The following BAZ2A variants were observed in gnomAD, a reference collection of about 807,000 sequenced individuals.
BAZ2A encodes bromodomain adjacent to zinc finger domain 2A.
In BAZ2A, 34 loss-of-function variants were observed where a neutral mutation model predicts 199.9. The observed-to-expected ratio is 0.17, with a 90% CI of 0.13 to 0.23. The LOEUF (loss-of-function observed/expected upper bound fraction) is 0.23. Ranked by LOEUF, BAZ2A falls within the 10% of genes least tolerant of loss-of-function variation. BAZ2A has a pLI of 1.00. For missense variants in BAZ2A, 2,002 were observed against 2,391.1 expected, an observed-to-expected ratio of 0.84 and a Z score of 3.39; for synonymous variants, 857 against 883.9, an observed-to-expected ratio of 0.97 and a Z score of 0.54.
Position 56,599,993 on chromosome 12 carries a change from T to C in BAZ2A, c.4996A>G (p.Ile1666Val), listed in dbSNP as rs1218296245. ...CLCLGQLERS[I>V]AWEKSVNKVT... ...TTGTTGACAGACTTCTCCCAGGCAA[T>C]GGACCTCTCCAGCTGGCCCAGGCAC... Residue 1666 changes from isoleucine to valine, a missense_variant, in exon 25 of 29, where the codon ATT becomes GTT. Physicochemically the swap from Ile to Val is conservative, Grantham distance 29 (BLOSUM62 3). Coordinates refer to ENST00000549884, the MANE Select transcript of BAZ2A (RefSeq NM_001300905.2). 6 of 1,613,864 alleles carry C rather than the reference T, an allele frequency of 3.7e-6. No homozygotes were observed. Among genetic ancestry groups the C allele is most frequent in the Middle Eastern group, 3.3e-4 (2 of 6,084 alleles).
chr12:56,599,316 G>A lies in BAZ2A; in HGVS notation c.5215C>T (p.Arg1739Cys), dbSNP rs777759132. The change falls in exon 27 of 29, where the codon CGT (arginine) becomes TGT (cysteine). Residue 1739 changes from arginine (R) to cysteine (C), a missense_variant. By Grantham distance (180) the Arg-to-Cys change is radical. Coordinates refer to ENST00000549884, the MANE Select transcript of BAZ2A (RefSeq NM_001300905.2). The part of the protein sequence containing the change: ...EFTQKPGFPK[R>C]GQKRKSGYSL... ...TAACCACTTTTCCGCTTCTGGCCACGCTTTGGGAAACCAGGCTTCTGAGTG... is the reference window on the plus strand; with the variant it reads ...TAACCACTTTTCCGCTTCTGGCCACACTTTGGGAAACCAGGCTTCTGAGTG... 1.9e-5 allele frequency: 30 copies of A among 1,613,392 alleles called. No individual in the cohort carries two copies. The Admixed American group carries it at 2.3e-4, about 13-fold the overall frequency.
chr12:56,602,635 C>G, intron 19 of BAZ2A, 78 bp downstream of exon 19: 1 of 1,536,238 alleles, frequency 6.5e-7, no homozygotes, highest in Non-Finnish European at 8.8e-7. Flanking sequence ...GAAAGAAGCC[C>G]AAGACTACTA....
At position 56,601,090 on chromosome 12, in the gene BAZ2A, A is replaced by C; in HGVS notation, c.4303T>G (p.Ser1435Ala). The C allele has an allele frequency of 6.2e-7, 1 of 1,613,360 alleles. No individual in the cohort carries two copies. Among genetic ancestry groups the C allele is most frequent in the Non-Finnish European group, 8.5e-7 (1 of 1,179,624 alleles). ...GGATCTCGTATCCACCACCAGCCTG[A>C]GCACATCTCTGTGAGCAGATGAGAT... ...TAQPVPPEMC[S>A]GWWWIRDPEM... Residue 1435 changes from serine (S) to alanine (A), a missense_variant, in exon 22 of 29, where the codon TCA (serine) becomes GCA (alanine). By Grantham distance (99) the Ser-to-Ala change is moderately conservative. Coordinates refer to ENST00000549884, the MANE Select transcript of BAZ2A (RefSeq NM_001300905.2).
At position 56,617,541 on chromosome 12, in the gene BAZ2A, G is replaced by A; in HGVS notation, c.-2-9C>T. On this transcript the variant is annotated splice_polypyrimidine_tract_variant and intron_variant, in intron 1 of 28. Transcript: ENST00000549884. ...GTCGTTTGCCTCCATTTCTGCAGGA[G>A]GGGAGAGAGAGGGAAAAAAAATACT... 1 of 1,602,570 alleles carries A rather than the reference G, an allele frequency of 6.2e-7. No homozygotes were observed. Among genetic ancestry groups the A allele is most frequent in the South Asian group, 1.1e-5 (1 of 88,962 alleles).
Position 56,601,778 on chromosome 12 carries a change from A to C in BAZ2A, c.3839T>G (p.Leu1280Arg). The C allele has an allele frequency of 1.2e-6, 2 of 1,613,990 alleles. No homozygotes were observed. The highest frequency in any genetic ancestry group is 1.7e-6 in the Non-Finnish European group (2 of 1,179,880). ...AGGTGTGAGGACTGAGCTGCTCAAC[A>C]GGGAGCTATGGCTCTGAGTCTGGCT... is the stretch of plus-strand genomic sequence containing the variant. ...WLSQTQSHSS[L>R]LSSSVLTPDS... The change falls in exon 20 of 29, where the codon CTG becomes CGG. Residue 1280 changes from leucine (L) to arginine (R), a missense_variant. Leu to Arg is a moderately radical substitution (Grantham distance 102, BLOSUM62 -2). Coordinates refer to ENST00000549884, the MANE Select transcript of BAZ2A (RefSeq NM_001300905.2).
chr12:56,608,579 AT>A (rs1950446337), intron 10 of BAZ2A, among the ~76,000 whole-genome samples: 1 of 151,498 alleles, frequency 6.6e-6, no homozygotes, highest in Non-Finnish European at 1.5e-5. Flanking sequence ...TATTATTATT[AT>A]TATTTTGAGA....
chr12:56,633,278 C>T (rs1951362459), upstream of BAZ2A, among the ~76,000 whole-genome samples: 1 of 152,100 alleles, frequency 6.6e-6, no homozygotes, highest in South Asian at 2.1e-4. Context: ...GTTTGCATCC[C>T]TCTACATCCT....
At position 56,623,698 on chromosome 12, in the gene BAZ2A, A is replaced by G. The variant is rs74380402; in HGVS notation, c.-2-6166T>C. The stretch of plus-strand genomic sequence containing the variant: ...ATCTCTGAAGGTATGTGCTACTGGC[A>G]TCTAGTAAGCAGAAGCCAAAGATGC... On this transcript the variant is annotated intron_variant, in intron 1 of 28. Coordinates refer to ENST00000549884, the MANE Select transcript of BAZ2A (RefSeq NM_001300905.2). 9.9e-5 allele frequency among the ~76,000 whole-genome samples: 15 copies of G among 152,178 alleles called. 1 individual carries two copies. In the East Asian group the frequency reaches 2.9e-3, roughly 29 times the overall value.
At chr12:56,629,429 G>A (rs574962079) in intron 1 of BAZ2A, among the ~76,000 whole-genome samples, 4 of 152,260 alleles carry the variant, frequency 2.6e-5, no homozygotes, top group South Asian at 2.1e-4. Context: ...TTGGAAAAAG[G>A]AATTCCTCTT....
upstream of BAZ2A, among the ~76,000 whole-genome samples, chr12:56,632,235 A>G (rs998171649): frequency 5.3e-5 from 8 of 152,192 alleles, no homozygotes; most frequent in African/African-American, 1.9e-4. Flanking sequence ...AACTTCTGCT[A>G]AGAAATGCCT....
Position 56,609,757 on chromosome 12 carries a change from G to C in BAZ2A, c.2071C>G (p.Leu691Val), listed in dbSNP as rs1440706121. The part of the protein sequence containing the change: ...ELLNKTDNRP[L>V]KKLEAQETLN... ...GTACCTTGGGCCTCCAGTTTCTTTAGGGGGCGGTTGTCTGTCTTGTTCAAT... is the reference window on the plus strand; with the variant it reads ...GTACCTTGGGCCTCCAGTTTCTTTACGGGGCGGTTGTCTGTCTTGTTCAAT... Residue 691 changes from leucine (L) to valine (V), a missense_variant, in exon 10 of 29, where the codon CTA becomes GTA. By Grantham distance (32) the Leu-to-Val change is conservative. This residue lies in a region of BAZ2A where 1,081 missense variants were observed against 1,274.7 expected (regional missense o/e 0.85). Transcript: ENST00000549884. 11 of 1,613,716 alleles carry C rather than the reference G, an allele frequency of 6.8e-6. No individual in the cohort carries two copies. Among genetic ancestry groups the C allele is most frequent in the Middle Eastern group, 1.6e-4 (1 of 6,080 alleles).
Position 56,601,879 on chromosome 12 carries a change from C to T in BAZ2A, c.3738G>A (p.Leu1246=). ...GTGACAAAGGGGAGCCTTCTTGCTC[C>T]AGGAACCCCTTATGGGACTGAAGCT... The part of the protein sequence containing the change: ...QLQLQSHKGF[L]EQEGSPLSLG... The change falls in exon 20 of 29, where the codon CTG becomes CTA. Residue 1246 remains leucine, a synonymous_variant. Transcript: ENST00000549884. The T allele has an allele frequency of 6.2e-7, 1 of 1,613,534 alleles. No individual in the cohort carries two copies. Among genetic ancestry groups the T allele is most frequent in the Non-Finnish European group, 8.5e-7 (1 of 1,179,706 alleles).
upstream of BAZ2A, chr12:56,630,375 C>T: frequency 1.5e-6 from 1 of 687,988 alleles, no homozygotes; most frequent in African/African-American, 2.0e-5. Context: ...AGAGAGTCTC[C>T]CCACGCGGCC....
intron 1 of BAZ2A, chr12:56,621,325 G>A (rs1386146209): frequency 2.2e-6 from 2 of 902,774 alleles, no homozygotes; most frequent in East Asian, 1.2e-4. Flanking sequence ...AGAAATCAGA[G>A]AATTAAAAAG....
rs558134940 is a variant in BAZ2A, at chr12:56,610,555, A to G, written c.1671-38T>C. 13 of 1,570,076 alleles carry G rather than the reference A, an allele frequency of 8.3e-6. No individual in the cohort carries two copies. The South Asian group carries it at 1.5e-4, about 18-fold the overall frequency. ...CACATGGGCCCTGCCGCCAGGTCAC[A>G]CCCCTACCCACTCCCATGCCACCTA... On this transcript the variant is annotated intron_variant, in intron 7 of 28. Transcript: ENST00000549884.
upstream of BAZ2A, among the ~76,000 whole-genome samples, chr12:56,631,662 C>G (rs576445893): frequency 3.3e-5 from 5 of 152,262 alleles, no homozygotes; most frequent in Admixed American, 6.5e-5. Flanking sequence ...GTTCTAGAAA[C>G]AGTTGCCTAA....
intron 4 of BAZ2A, 32 bp downstream of exon 4, chr12:56,613,921 A>T (rs756856432): frequency 1.9e-6 from 3 of 1,596,132 alleles, no homozygotes; most frequent in Non-Finnish European, 2.6e-6. Flanking sequence ...CTCTGCATGG[A>T]TAAGTTAAAG....
At chr12:56,626,580 G>A (rs1277111269) in intron 1 of BAZ2A, among the ~76,000 whole-genome samples, 3 of 152,036 alleles carry the variant, frequency 2.0e-5, no homozygotes, top group East Asian at 1.9e-4. Flanking sequence ...TTCTTTCATC[G>A]AGAAGCTTGA....
chr12:56,629,058 C>A (rs936503153), intron 1 of BAZ2A, among the ~76,000 whole-genome samples: 3 of 152,038 alleles, frequency 2.0e-5, no homozygotes, highest in South Asian at 2.1e-4. Flanking sequence ...AAAGGTCTCT[C>A]GGGCCACATG....
Sources: allele counts gnomAD v4.1 joint callset (sites outside exome capture counted in the v4.1 genomes callset), GRCh38; gene constraint gnomAD v4.1.1; regional missense constraint gnomAD v4.1.1; transcripts MANE v1.5; gene names NCBI Gene and HGNC (gene_info 2026-07-23, HGNC 2026-07-21).